The following SDK1 variants were observed in gnomAD, a reference collection of about 807,000 sequenced individuals.
SDK1 encodes protein sidekick-1.
SDK1 carries 157 observed loss-of-function variants against 245.5 expected under a neutral mutation model. The ratio of observed to expected loss-of-function variants is 0.64; its 90% CI spans 0.56 to 0.73. The LOEUF is 0.73. Ranked by LOEUF, SDK1 falls within the 30% of genes least tolerant of loss-of-function variation. The pLI is 0.00. For missense variants in SDK1, 3,583 were observed against 3,002.3 expected (o/e 1.19, Z -4.52); for synonymous variants, 1,647 against 1,278.5 (o/e 1.29, Z -6.15).
At chr7:3,594,547 T>A (rs1780990566) in intron 1 of SDK1, among the ~76,000 whole-genome samples, 1 of 152,194 alleles carries the variant, frequency 6.6e-6, no homozygotes, top group African/African-American at 2.4e-5. Context: ...CCATTTTACA[T>A]TGCCGCCGGT....
At chr7:4,178,447 C>G in intron 34 of SDK1, 38 bp from the exon 35 acceptor site, 2 of 1,450,726 alleles carry the variant, frequency 1.4e-6, no homozygotes, top group African/African-American at 1.4e-5. Context: ...GAAGGTGGTC[C>G]TGGTGGAAGC....
intron 1 of SDK1, among the ~76,000 whole-genome samples, chr7:3,313,167 G>C (rs1041443092): frequency 1.3e-5 from 2 of 152,184 alleles, no homozygotes; most frequent in African/African-American, 4.8e-5. Flanking sequence ...CCAGCACTTT[G>C]GGAGGCCAAG....
At chr7:3,596,274 A>G (rs1025396766) in intron 1 of SDK1, among the ~76,000 whole-genome samples, 4 of 152,112 alleles carry the variant, frequency 2.6e-5, no homozygotes, top group Non-Finnish European at 2.9e-5. Flanking sequence ...GGAGAAATGA[A>G]ATTTCAGTAA....
At chr7:4,211,431 C>G (rs929853847) in intron 38 of SDK1, among the ~76,000 whole-genome samples, 1 of 149,436 alleles carries the variant, frequency 6.7e-6, no homozygotes, top group Non-Finnish European at 1.5e-5. Flanking sequence ...GGGAAGGGTG[C>G]GGGGGCAGGG....
chr7:3,569,630 T>C (rs1481634265), intron 1 of SDK1, among the ~76,000 whole-genome samples: 2 of 152,340 alleles, frequency 1.3e-5, no homozygotes, highest in East Asian at 3.9e-4. Context: ...TCCAACGTGA[T>C]CTACAGAAGT....
At chr7:3,916,157 G>C (rs1412325621) in intron 5 of SDK1, among the ~76,000 whole-genome samples, 1 of 152,228 alleles carries the variant, frequency 6.6e-6, no homozygotes, top group Non-Finnish European at 1.5e-5. Context: ...GGGTGGGAAA[G>C]AGGGAGGGAG....
At chr7:3,737,714 T>C (rs1033381941) in intron 4 of SDK1, among the ~76,000 whole-genome samples, 1 of 152,184 alleles carries the variant, frequency 6.6e-6, no homozygotes, top group Non-Finnish European at 1.5e-5. Context: ...GGTGGTCTTA[T>C]TTTCCCAGTG....
rs1780722871 is a variant in SDK1 at position 4,076,978 on chromosome 7, C to T, written c.3011-20C>T. On this transcript the variant is annotated intron_variant, in intron 20 of 44. Coordinates refer to ENST00000404826, the MANE Select transcript of SDK1 (RefSeq NM_152744.4). Reference sequence around the variant, plus strand: ...TGGCCTTCAGGAGACCAACACTGGTCTGGTCCTGTTGCTTTCTAGGCTATC... The same window carrying T: ...TGGCCTTCAGGAGACCAACACTGGTTTGGTCCTGTTGCTTTCTAGGCTATC... The T allele has an allele frequency of 8.1e-6, 13 of 1,610,694 alleles. No homozygotes were observed. The highest frequency in any genetic ancestry group is 1.1e-5 in the Non-Finnish European group (13 of 1,178,316).
chr7:3,689,436 G>A lies in SDK1; in HGVS notation c.713+47331G>A, dbSNP rs369321595. 5.9e-5 allele frequency among the ~76,000 whole-genome samples: 9 copies of A among 152,346 alleles called. No homozygotes were observed. In the South Asian group the frequency reaches 8.3e-4, roughly 14 times the overall value. On this transcript the variant is annotated intron_variant, in intron 4 of 44. Coordinates refer to ENST00000404826, the MANE Select transcript of SDK1 (RefSeq NM_152744.4). ...GGTACAAGCTAAGCAGGGTGGAACA[G>A]AGAGAGGGAGGGGCCTGCATTCTTG...
intron 4 of SDK1, among the ~76,000 whole-genome samples, chr7:3,699,443 A>AT (rs1375424619): frequency 6.6e-6 from 1 of 152,224 alleles, no homozygotes; most frequent in Non-Finnish European, 1.5e-5. Context: ...AATAGAAGAG[A>AT]TAATAGAGTA....
At chr7:4,053,209 C>T (rs924073402) in intron 19 of SDK1, among the ~76,000 whole-genome samples, 30 of 152,014 alleles carry the variant, frequency 2.0e-4, no homozygotes, top group East Asian at 1.4e-3. Context: ...AGAGTTTGGC[C>T]GTCGCCAGCT....
chr7:3,909,590 A>G (rs569752393), intron 5 of SDK1, among the ~76,000 whole-genome samples: 2 of 152,342 alleles, frequency 1.3e-5, no homozygotes, highest in East Asian at 1.9e-4. Context: ...CACACCCACT[A>G]CAGTGTTGAG....
intron 5 of SDK1, among the ~76,000 whole-genome samples, chr7:3,883,057 G>C (rs537170136): frequency 6.6e-6 from 1 of 152,300 alleles, no homozygotes; most frequent in Admixed American, 6.5e-5. Context: ...CTGAGTTATT[G>C]GTGCAGTTTA....
At chr7:3,511,251 C>G (rs1280598575) in intron 1 of SDK1, among the ~76,000 whole-genome samples, 1 of 152,192 alleles carries the variant, frequency 6.6e-6, no homozygotes, top group Non-Finnish European at 1.5e-5. Flanking sequence ...TTTAGTACTT[C>G]TGAAAACTTT....
intron 4 of SDK1, among the ~76,000 whole-genome samples, chr7:3,817,474 A>G (rs993886585): frequency 2.6e-5 from 4 of 152,212 alleles, no homozygotes; most frequent in Admixed American, 2.6e-4. Context: ...ATCAGGGTGA[A>G]TGTATACTCT....
chr7:3,460,523 G>A (rs546294464), intron 1 of SDK1, among the ~76,000 whole-genome samples: 1 of 152,246 alleles, frequency 6.6e-6, no homozygotes, highest in South Asian at 2.1e-4. Flanking sequence ...GAAGGAATTC[G>A]GATAATTTAT....
At position 4,012,154 on chromosome 7, in the gene SDK1, G is replaced by A. The variant is rs750134955; in HGVS notation, c.2339G>A (p.Arg780Gln). 6.3e-6 allele frequency: 10 copies of A among 1,578,208 alleles called. No individual in the cohort carries two copies. In the East Asian group the frequency reaches 7.3e-5, roughly 11 times the overall value. ...CCGAAAAATATAGTGGCCAGTGGGC[G>A]GACTAATCAGTCCATTATGGTCCAG... ...APPKNIVASG[R>Q]TNQSIMVQWQ... The change falls in exon 16 of 45, where the codon CGG (arginine) becomes CAG (glutamine). Residue 780 changes from arginine (R) to glutamine (Q), a missense_variant. By Grantham distance (43) the Arg-to-Gln change is conservative. Coordinates refer to ENST00000404826, the MANE Select transcript of SDK1 (RefSeq NM_152744.4).
chr7:4,016,939 A>G (rs1342146844), intron 16 of SDK1, among the ~76,000 whole-genome samples: 2 of 152,218 alleles, frequency 1.3e-5, no homozygotes, highest in Non-Finnish European at 2.9e-5. Flanking sequence ...CTTAACCGTT[A>G]TGTAGTTGAA....
chr7:3,666,548 G>A (rs1242354181), intron 4 of SDK1, among the ~76,000 whole-genome samples: 1 of 152,154 alleles, frequency 6.6e-6, no homozygotes, highest in Non-Finnish European at 1.5e-5. Flanking sequence ...CCCTGTTGCA[G>A]GTCTTGTCTG....
Sources: allele counts gnomAD v4.1 joint callset (sites outside exome capture counted in the v4.1 genomes callset), GRCh38; gene constraint gnomAD v4.1.1; transcripts MANE v1.5; gene names NCBI Gene and HGNC (gene_info 2026-07-23, HGNC 2026-07-21).